The following TRAP1 variants were observed in gnomAD, a reference collection of about 807,000 sequenced individuals.
TRAP1 encodes heat shock protein 75 kDa, mitochondrial.
TRAP1 carries 102 observed loss-of-function variants against 89.1 expected under a neutral mutation model. That is an observed-to-expected ratio of 1.15 (90% confidence interval 0.98 to 1.35). The LOEUF (loss-of-function observed/expected upper bound fraction) is 1.35, where lower values mean the gene tolerates loss of function less well. Among genes scored for constraint, TRAP1 ranks in the 40% most tolerant of loss-of-function variants. The pLI, the probability that TRAP1 is intolerant of heterozygous loss-of-function variation, is 0.00. For synonymous variants in TRAP1, 508 were observed against 388.0 expected (o/e 1.31, Z -3.64); for missense variants, 1,256 against 945.3 (o/e 1.33, Z -4.31).
intron 5 of TRAP1, 37 bp from the exon 6 acceptor site, chr16:3,677,695 C>A: frequency 3.1e-6 from 5 of 1,599,336 alleles, no homozygotes; most frequent in South Asian, 2.2e-5. Context: ...GCAGCCTCCC[C>A]TCCAGAGAGC....
rs1055410922 is a variant in TRAP1 at position 3,662,259 on chromosome 16, A to G, written c.1795-127T>C. ...GGCGGGGTCTCAAGGACTCCCCTGG[A>G]CCAGCGCTGCTCCCTCCCCATTACC... On this transcript the variant is annotated intron_variant, in intron 15 of 17. Coordinates refer to ENST00000246957, the MANE Select transcript of TRAP1 (RefSeq NM_016292.3). The G allele has an allele frequency of 5.3e-6, 6 of 1,137,936 alleles. No homozygotes were observed. The Admixed American group carries it at 1.0e-4, about 20-fold the overall frequency. The allele number at this position is 1,137,936 out of a possible 1,614,324, so 70.5% of individuals were successfully genotyped here.
At position 3,665,991 on chromosome 16, in the gene TRAP1, C is replaced by T. The variant is rs772636386; in HGVS notation, c.1363G>A (p.Ala455Thr). 2.3e-5 allele frequency: 37 copies of T among 1,613,432 alleles called. 1 individual carries two copies. The highest frequency in any genetic ancestry group is 3.3e-5 in the South Asian group (3 of 91,006). Residue 455 changes from alanine (A) to threonine (T), a missense_variant, in exon 12 of 18, where the codon GCC (alanine) becomes ACC (threonine). Transcript: ENST00000246957. ...GLFMREGIVT[A>T]TEQEVKEDIA... ...TATACCTTGACCTCCTGCTCGGTGG[C>T]GGTCACAATGCCCTCCCGCATGAAC...
chr16:3,677,596 T>G lies in TRAP1; in HGVS notation c.606A>C (p.Gly202=). The change falls in exon 6 of 18, where the codon GGA becomes GGC. Residue 202 remains glycine, a synonymous_variant. Transcript: ENST00000246957. The part of the protein sequence containing the change: ...EASSKIIGQF[G]VGFYSAFMVA... The stretch of plus-strand genomic sequence containing the variant: ...CCATGAAAGCTGAGTAGAAACCCAC[T>G]CCAAACTGGCCGATGATCTTGCTGC... 1 of 1,614,072 alleles carries G rather than the reference T, an allele frequency of 6.2e-7. No homozygotes were observed.
At chr16:3,683,906 C>T (rs998100992) in intron 4 of TRAP1, among the ~76,000 whole-genome samples, 10 of 152,248 alleles carry the variant, frequency 6.6e-5, no homozygotes, top group African/African-American at 2.4e-4. Flanking sequence ...TGGCTCCCGC[C>T]TGTAATCCCA....
At chr16:3,708,670 G>C (rs2051483949) in intron 1 of TRAP1, among the ~76,000 whole-genome samples, 1 of 151,862 alleles carries the variant, frequency 6.6e-6, no homozygotes, top group African/African-American at 2.4e-5. Flanking sequence ...AAATAAATGA[G>C]CCGGGCATGG....
chr16:3,670,378 G>C (rs1012400446), intron 11 of TRAP1, among the ~76,000 whole-genome samples: 2 of 40,732 alleles, frequency 4.9e-5, no homozygotes, highest in Admixed American at 3.2e-4. Flanking sequence ...GCAAGACTCC[G>C]TCTCAAAAAA....
intron 1 of TRAP1, among the ~76,000 whole-genome samples, chr16:3,703,023 C>G (rs1164397372): frequency 2.2e-5 from 2 of 90,578 alleles, no homozygotes; most frequent in East Asian, 3.8e-4. Context: ...GCCTGGAGAA[C>G]AAGAGTGAAA....
At chr16:3,671,866 C>T (rs1378604752) in intron 10 of TRAP1, 75 bp from the exon 11 acceptor site, 1 of 1,503,428 alleles carries the variant, frequency 6.7e-7, no homozygotes, top group Non-Finnish European at 9.1e-7. Context: ...TTAACCTGCC[C>T]TTTGTCTTCA....
chr16:3,710,117 A>T (rs1032552351), intron 1 of TRAP1, among the ~76,000 whole-genome samples: 3 of 152,216 alleles, frequency 2.0e-5, no homozygotes, highest in Non-Finnish European at 4.4e-5. Context: ...TACTTCATTC[A>T]TCAGGAAACA....
chr16:3,669,415 C>G (rs1314073703), intron 11 of TRAP1, among the ~76,000 whole-genome samples: 1 of 152,152 alleles, frequency 6.6e-6, no homozygotes, highest in African/African-American at 2.4e-5. Context: ...CACTGAGGCC[C>G]CCTTTTCATT....
chr16:3,660,060 C>T (rs1240112605), intron 16 of TRAP1: 2 of 152,218 alleles, frequency 1.3e-5, no homozygotes, highest in Admixed American at 1.3e-4. Context: ...CACATCCTCA[C>T]ATTTCTAGTC....
Position 3,672,767 on chromosome 16 carries a change from G to A in TRAP1, c.1098C>T (p.Tyr366=). 6.2e-7 allele frequency: 1 copy of A among 1,612,324 alleles called. No individual in the cohort carries two copies. Among genetic ancestry groups the A allele is most frequent in the Non-Finnish European group, 8.5e-7 (1 of 1,179,326 alleles). The change falls in exon 10 of 18, where the codon TAC becomes TAT. Residue 366 remains tyrosine, a synonymous_variant. Transcript: ENST00000246957. ...TGGTCTGGATGAGGACTTTGCGGCT[G>A]TACAGTGCAACGCTGGAGCCCAGCT... is the stretch of plus-strand genomic sequence containing the variant. ...SRELGSSVAL[Y]SRKVLIQTKA...
At chr16:3,687,763 G>A (rs750398323) in intron 3 of TRAP1, among the ~76,000 whole-genome samples, 1 of 150,986 alleles carries the variant, frequency 6.6e-6, no homozygotes, top group Non-Finnish European at 1.5e-5. Context: ...AGGAAGGATG[G>A]CTTGAGCTCA....
In TRAP1 at chr16:3,664,398, C is replaced by T; in HGVS notation, c.1445G>A (p.Ser482Asn). 1 of 1,612,292 alleles carries T rather than the reference C, an allele frequency of 6.2e-7. No homozygotes were observed. The highest frequency in any genetic ancestry group is 2.2e-5 in the East Asian group (1 of 44,830). The change falls in exon 13 of 18, where the codon AGC (serine) becomes AAC (asparagine). Residue 482 changes from serine to asparagine, a missense_variant. Ser to Asn is a conservative substitution (Grantham distance 46, BLOSUM62 1). Coordinates refer to ENST00000246957, the MANE Select transcript of TRAP1 (RefSeq NM_016292.3). The stretch of plus-strand genomic sequence containing the variant: ...CATGCGGCTGGCGTATTCTGAGAGG[C>T]TGGTTAGCTGCCCGGAGGGCAGCGC... ...SSALPSGQLT[S>N]LSEYASRMRA...
intron 2 of TRAP1, among the ~76,000 whole-genome samples, chr16:3,689,448 G>A (rs2051183240): frequency 6.6e-6 from 1 of 152,078 alleles, no homozygotes; most frequent in Non-Finnish European, 1.5e-5. Context: ...GTTTTACCAT[G>A]TTAGCCAGGA....
chr16:3,669,241 G>T (rs1182884792), intron 11 of TRAP1, among the ~76,000 whole-genome samples: 1 of 152,120 alleles, frequency 6.6e-6, no homozygotes, highest in Non-Finnish European at 1.5e-5. Flanking sequence ...AAGTGCACAG[G>T]GTCAGTACAC....
chr16:3,671,713 G>C lies in TRAP1; in HGVS notation c.1235+9C>G, dbSNP rs115100713. On this transcript the variant is annotated intron_variant, in intron 11 of 17. Transcript: ENST00000246957. ...CAGCAGGGTCCTCTCCCCGCGGCCC[G>C]AGGCTCACCTGATGAGTGCGCTCTC... is the stretch of plus-strand genomic sequence containing the variant. 4.4e-4 allele frequency: 713 copies of C among 1,612,102 alleles called. 7 individuals are homozygous for C. In the African/African-American group the frequency reaches 8.4e-3, roughly 19 times the overall value.
chr16:3,667,778 C>T (rs752050230), intron 11 of TRAP1, among the ~76,000 whole-genome samples: 5 of 74 alleles, frequency 0.068, no homozygotes, highest in Non-Finnish European at 0.12. Context: ...TTTTTCCATC[C>T]GACGAATCTT....
At chr16:3,670,489 C>G (rs2050899201) in intron 11 of TRAP1, among the ~76,000 whole-genome samples, 1 of 151,512 alleles carries the variant, frequency 6.6e-6, no homozygotes, top group African/African-American at 2.4e-5. Flanking sequence ...TCGCTTGAGC[C>G]CAGGAGTTCA....
Sources: allele counts gnomAD v4.1 joint callset (sites outside exome capture counted in the v4.1 genomes callset), GRCh38; gene constraint gnomAD v4.1.1; transcripts MANE v1.5; gene names NCBI Gene and HGNC (gene_info 2026-07-23, HGNC 2026-07-21).